The following CDIN1 variants were observed in gnomAD, a reference collection of about 807,000 sequenced individuals.
The protein encoded by CDIN1 is CDAN1 interacting nuclease 1.
Under a neutral mutation model 45.3 loss-of-function variants are expected in CDIN1, and 33 were observed. That is an observed-to-expected ratio of 0.73 (90% CI 0.55 to 0.97). The LOEUF is 0.97. Among genes scored for constraint, CDIN1 ranks in the 50% least tolerant of loss-of-function variants. CDIN1 has a pLI of 0.00. For synonymous variants in CDIN1, 118 were observed against 124.4 expected, an observed-to-expected ratio of 0.95 and a Z score of 0.34; for missense variants, 303 against 339.4, an observed-to-expected ratio of 0.89 and a Z score of 0.84.
chr15:36,608,246 A>G (rs985229566), intron 1 of CDIN1, among the ~76,000 whole-genome samples: 3 of 152,222 alleles, frequency 2.0e-5, no homozygotes, highest in South Asian at 4.1e-4. Flanking sequence ...GAGGAACCAT[A>G]AAACTAGTTT....
chr15:36,660,173 C>G lies in CDIN1; in HGVS notation c.346+2268C>G, dbSNP rs140117213. Reference sequence around the variant, plus strand: ...TATGAAACAATGCGGGGATAATTGTCTTTGGTAGCAATTAGCTAACAGGTT... The same window carrying G: ...TATGAAACAATGCGGGGATAATTGTGTTTGGTAGCAATTAGCTAACAGGTT... On this transcript the variant is annotated intron_variant, in intron 5 of 10. Transcript: ENST00000566621. 6.2e-3 allele frequency among the ~76,000 whole-genome samples: 935 copies of G among 152,032 alleles called. 6 individuals are homozygous for G. Among genetic ancestry groups the G allele is most frequent in the African/African-American group, 0.021 (887 of 41,464 alleles).
chr15:36,620,156 C>A (rs778725001), intron 1 of CDIN1, among the ~76,000 whole-genome samples: 18 of 151,980 alleles, frequency 1.2e-4, no homozygotes, highest in Non-Finnish European at 2.2e-4. Context: ...TCGAGACCAT[C>A]CTGGCTAACA....
chr15:36,806,572 A>T (rs919234684), intron 10 of CDIN1, among the ~76,000 whole-genome samples: 1 of 152,132 alleles, frequency 6.6e-6, no homozygotes, highest in Non-Finnish European at 1.5e-5. Context: ...GTTGAGCTTA[A>T]TGTTAGATCT....
At chr15:36,797,490 A>G (rs758003891) in intron 10 of CDIN1, among the ~76,000 whole-genome samples, 13 of 152,128 alleles carry the variant, frequency 8.5e-5, no homozygotes, top group Non-Finnish European at 1.5e-5. Context: ...TGCAGCCACC[A>G]CTTTAACCAT....
chr15:36,765,390 T>C (rs1293817626), intron 10 of CDIN1, among the ~76,000 whole-genome samples: 2 of 152,148 alleles, frequency 1.3e-5, no homozygotes, highest in Non-Finnish European at 2.9e-5. Flanking sequence ...AATAAACTTT[T>C]TTCTTGTTTA....
chr15:36,795,344 C>T (rs889116110), intron 10 of CDIN1, among the ~76,000 whole-genome samples: 1 of 152,088 alleles, frequency 6.6e-6, no homozygotes, highest in East Asian at 1.9e-4. Context: ...AATGGATACC[C>T]TAAATTATCT....
rs1299126010 is a variant in CDIN1 at position 36,617,389 on chromosome 15, T to A, written c.102-26889T>A. 2.0e-6 allele frequency: 3 copies of A among 1,530,918 alleles called. No individual in the cohort carries two copies. In the East Asian group the frequency reaches 6.7e-5, roughly 34 times the overall value. 94.8% of individuals were successfully genotyped at this position (1,530,918 alleles called of 1,614,324 possible). A position where few individuals can be genotyped will look rare whatever the true frequency, so the allele number is the denominator to read the frequency against. On this transcript the variant is annotated intron_variant, in intron 1 of 10. Coordinates refer to ENST00000566621, the MANE Select transcript of CDIN1 (RefSeq NM_001321759.2). ...GATTTTAGGACCAGAAGATCTGAGTTACCAAATATATGATGTTTCTGGAGA... is the reference window on the plus strand; with the variant it reads ...GATTTTAGGACCAGAAGATCTGAGTAACCAAATATATGATGTTTCTGGAGA...
intron 4 of CDIN1, among the ~76,000 whole-genome samples, chr15:36,655,326 C>CTTTTTTTTTT (rs146085190): frequency 1.5e-5 from 2 of 129,580 alleles, no homozygotes; most frequent in Non-Finnish European, 1.7e-5. Context: ...TTTTTTTTTG[C>CTTTTTTTTTT]TTTTTTTTTT....
intron 5 of CDIN1, among the ~76,000 whole-genome samples, chr15:36,662,168 T>C (rs2041041332): frequency 6.6e-6 from 1 of 152,202 alleles, no homozygotes; most frequent in Non-Finnish European, 1.5e-5. Flanking sequence ...CTGTTTAATC[T>C]TTCTGGCTTT....
intron 10 of CDIN1, among the ~76,000 whole-genome samples, chr15:36,727,944 C>T (rs1452550289): frequency 6.6e-6 from 1 of 152,120 alleles, no homozygotes; most frequent in East Asian, 1.9e-4. Context: ...TGGTCTAACA[C>T]CAGCCACACA....
chr15:36,760,003 C>T lies in CDIN1; in HGVS notation c.717-48321C>T, dbSNP rs117184933. On this transcript the variant is annotated intron_variant, in intron 10 of 10. Transcript: ENST00000566621. ...TGAGATTTGGGTGGGGACATACAGC[C>T]AAATCATATCAGGCATCACACTGTA... Among the ~76,000 whole-genome samples, 3 of 152,262 alleles carry T rather than the reference C, an allele frequency of 2.0e-5. No homozygotes were observed. In the East Asian group the frequency reaches 5.8e-4, roughly 29 times the overall value.
At chr15:36,775,079 C>G (rs2054184954) in intron 10 of CDIN1, among the ~76,000 whole-genome samples, 1 of 152,152 alleles carries the variant, frequency 6.6e-6, no homozygotes, top group African/African-American at 2.4e-5. Flanking sequence ...TAATAGGTGA[C>G]ACATGTCGCA....
chr15:36,709,115 A>G lies in CDIN1; in HGVS notation c.545-108A>G, dbSNP rs936731094. ...CACTGCATGCATAAGAAAGATATGT[A>G]TGACTACAGTAGTAATTTTTATACA... On this transcript the variant is annotated intron_variant, in intron 8 of 10. Transcript: ENST00000566621. 4 of 858,750 alleles carry G rather than the reference A, an allele frequency of 4.7e-6. 1 individual carries two copies. The South Asian group carries it at 7.6e-5, about 16-fold the overall frequency. 53.2% of individuals were successfully genotyped at this position (858,750 alleles called of 1,614,324 possible).
At chr15:36,759,674 G>A (rs1349690513) in intron 10 of CDIN1, among the ~76,000 whole-genome samples, 1 of 152,076 alleles carries the variant, frequency 6.6e-6, no homozygotes, top group Admixed American at 6.6e-5. Flanking sequence ...CCTGAGGCTG[G>A]GTAATTTATA....
chr15:36,803,969 GTT>G, intron 10 of CDIN1, among the ~76,000 whole-genome samples: 1 of 152,242 alleles, frequency 6.6e-6, no homozygotes, highest in East Asian at 1.9e-4. Flanking sequence ...CTATCACCCT[GTT>G]TAGTAAACCG....
chr15:36,685,876 G>C (rs1489852597), intron 5 of CDIN1, among the ~76,000 whole-genome samples: 1 of 152,080 alleles, frequency 6.6e-6, no homozygotes, highest in Non-Finnish European at 1.5e-5. Context: ...TCTCACACCA[G>C]TTAGAATGGC....
At chr15:36,615,463 C>T (rs2038847251) in intron 1 of CDIN1, among the ~76,000 whole-genome samples, 1 of 152,070 alleles carries the variant, frequency 6.6e-6, no homozygotes, top group East Asian at 1.9e-4. Flanking sequence ...AATAAAGAAC[C>T]AGTCCCTCCA....
In CDIN1 at chr15:36,703,233, T is replaced by TA. The variant is rs1555397241; in HGVS notation, c.544+5843_544+5844insA. Among the ~76,000 whole-genome samples the TA allele has an allele frequency of 3.0e-3, 189 of 63,654 alleles. 18 individuals are homozygous for TA. The highest frequency in any genetic ancestry group is 0.011 in the African/African-American group (149 of 13,610). 41.8% of individuals were successfully genotyped at this position (63,654 alleles called of 152,430 possible). On this transcript the variant is annotated intron_variant, in intron 8 of 10. Coordinates refer to ENST00000566621, the MANE Select transcript of CDIN1 (RefSeq NM_001321759.2). ...ACCCTGTCTCAAATATATATATATA[T>TA]CAGATATATATATATCAGAAAGGGA...
intron 10 of CDIN1, among the ~76,000 whole-genome samples, chr15:36,743,903 C>CA (rs1021616337): frequency 4.1e-4 from 60 of 145,474 alleles, no homozygotes; most frequent in South Asian, 6.6e-4. Flanking sequence ...AAAATAAAAC[C>CA]AAAAAAAAAC....
Sources: gnomAD v4.1 joint callset for allele counts (sites outside exome capture counted in the v4.1 genomes callset) on GRCh38, gnomAD v4.1.1 for gene constraint, MANE v1.5 for transcripts, NCBI Gene and HGNC (gene_info 2026-07-23, HGNC 2026-07-21) for gene names.